The following EPHA4 variants were observed in gnomAD, a reference collection of about 807,000 sequenced individuals.
EPHA4 encodes the protein EPH receptor A4, also known as ephrin type-A receptor 4.
A neutral mutation model predicts 108.3 loss-of-function variants in EPHA4; 19 were observed. That is an observed-to-expected ratio of 0.18 (90% CI 0.12 to 0.26). The LOEUF (loss-of-function observed/expected upper bound fraction) is 0.26, where lower values mean the gene tolerates loss of function less well. Among genes scored for constraint, EPHA4 ranks in the 10% least tolerant of loss-of-function variants. EPHA4 has a pLI of 1.00. For synonymous variants in EPHA4, 449 were observed against 455.5 expected, an observed-to-expected ratio of 0.99 and a Z score of 0.18; for missense variants, 917 against 1,254.0, an observed-to-expected ratio of 0.73 and a Z score of 4.06.
intron 5 of EPHA4, among the ~76,000 whole-genome samples, chr2:221,480,810 T>C (rs1691795992): frequency 6.6e-6 from 1 of 152,248 alleles, no homozygotes; most frequent in Non-Finnish European, 1.5e-5. Context: ...TAACTTTTTA[T>C]TTATTCCAAA....
chr2:221,472,293 T>A (rs1691510462), intron 5 of EPHA4, among the ~76,000 whole-genome samples: 1 of 122,356 alleles, frequency 8.2e-6, no homozygotes. Flanking sequence ...AATACGCACT[T>A]ATTTTACAAA....
At chr2:221,499,094 T>A (rs1448236857) in intron 4 of EPHA4, among the ~76,000 whole-genome samples, 1 of 151,404 alleles carries the variant, frequency 6.6e-6, no homozygotes, top group African/African-American at 2.4e-5. Context: ...CTAACCTTTT[T>A]AACAGTTACA....
intron 3 of EPHA4, among the ~76,000 whole-genome samples, chr2:221,521,198 A>G (rs1372372640): frequency 6.6e-6 from 1 of 152,188 alleles, no homozygotes; most frequent in Non-Finnish European, 1.5e-5. Context: ...ATGTCAATGA[A>G]CTAATTATTG....
intron 3 of EPHA4, 120 bp downstream of exon 3, chr2:221,563,610 CT>C: frequency 8.4e-7 from 1 of 1,184,360 alleles, no homozygotes; most frequent in Admixed American, 2.3e-5. Flanking sequence ...CATTAGACCC[CT>C]GTGTCCCACC....
chr2:221,512,675 T>G (rs1332388379), intron 3 of EPHA4, among the ~76,000 whole-genome samples: 1 of 152,254 alleles, frequency 6.6e-6, no homozygotes, highest in Non-Finnish European at 1.5e-5. Flanking sequence ...CTGAATTTAA[T>G]ACACGGGTCT....
intron 1 of EPHA4, 129 bp from the exon 2 acceptor site, chr2:221,568,914 T>C: frequency 1.7e-6 from 1 of 580,316 alleles, no homozygotes; most frequent in Non-Finnish European, 2.9e-6. Flanking sequence ...AACCTAAACT[T>C]GGGCTCACTT....
At position 221,571,676 on chromosome 2, in the gene EPHA4, C is replaced by T. The variant is rs1297470344; in HGVS notation, c.91+482G>A. On this transcript the variant is annotated intron_variant, in intron 1 of 17. Transcript: ENST00000281821. This position sits in a 1 kb window ranked among gnomAD's most constrained non-coding sequence, Gnocchi z 6.3. The stretch of plus-strand genomic sequence containing the variant: ...GCGCTGCGGAGCAGGCCCCGCAGCC[C>T]GGTCCCGAGAAGCGCAGGGCTCGGG... Among the ~76,000 whole-genome samples, 2 of 152,142 alleles carry T rather than the reference C, an allele frequency of 1.3e-5. No homozygotes were observed. Among genetic ancestry groups the T allele is most frequent in the Non-Finnish European group, 2.9e-5 (2 of 68,018 alleles).
intron 3 of EPHA4, among the ~76,000 whole-genome samples, chr2:221,545,355 G>A (rs1477735270): frequency 6.6e-6 from 1 of 152,178 alleles, no homozygotes; most frequent in East Asian, 1.9e-4. Context: ...TATAGTCCCA[G>A]CTACTCAGGA....
At chr2:221,504,485 G>A (rs144034744) in intron 3 of EPHA4, among the ~76,000 whole-genome samples, 7 of 151,928 alleles carry the variant, frequency 4.6e-5, no homozygotes, top group East Asian at 1.9e-4. Flanking sequence ...ATGTGTGTAC[G>A]TGACAGTATA....
At chr2:221,449,737 T>C (rs1277347170) in intron 8 of EPHA4, among the ~76,000 whole-genome samples, 1 of 152,258 alleles carries the variant, frequency 6.6e-6, no homozygotes, top group African/African-American at 2.4e-5. Flanking sequence ...GGGCCCAGCA[T>C]AAACCATGCT....
intron 8 of EPHA4, among the ~76,000 whole-genome samples, chr2:221,450,262 A>G (rs1690738629): frequency 6.6e-6 from 1 of 152,200 alleles, no homozygotes; most frequent in African/African-American, 2.4e-5. Flanking sequence ...TACAAAAATT[A>G]ACCAGGTGTG....
In EPHA4 at chr2:221,473,717, G is replaced by T. The variant is rs555905680; in HGVS notation, c.1318+8635C>A. On this transcript the variant is annotated intron_variant, in intron 5 of 17. Coordinates refer to ENST00000281821, the MANE Select transcript of EPHA4 (RefSeq NM_004438.5). ...ACAGTAATTAATTGAGCCAGTTGGA[G>T]TGACAACTAGATAATTTAGAAGCCC... Among the ~76,000 whole-genome samples the T allele has an allele frequency of 2.0e-5, 3 of 152,250 alleles. No homozygotes were observed. The South Asian group carries it at 6.2e-4, about 32-fold the overall frequency.
chr2:221,498,603 A>C (rs912905636), intron 4 of EPHA4, among the ~76,000 whole-genome samples: 2 of 151,558 alleles, frequency 1.3e-5, no homozygotes, highest in African/African-American at 4.8e-5. Flanking sequence ...GCCTATTTAC[A>C]GTTTTTCTGT....
rs141387215 is a variant in EPHA4, at chr2:221,426,033, C to A, written c.2956G>T (p.Val986Phe). 11 of 1,613,770 alleles carry A rather than the reference C, an allele frequency of 6.8e-6. No individual in the cohort carries two copies. The highest frequency in any genetic ancestry group is 9.3e-6 in the Non-Finnish European group (11 of 1,179,818). The change falls in exon 17 of 18, where the codon GTC becomes TTC. Residue 986 changes from valine to phenylalanine, a missense_variant. Physicochemically the swap from Val to Phe is conservative, Grantham distance 50. Coordinates refer to ENST00000281821, the MANE Select transcript of EPHA4 (RefSeq NM_004438.5). ...TGAGTTTATTCAGTACTGGCTCAGA[C>A]GGGAACCATTCTGCCGTGCATCTGC... ...MQQMHGRMVP[V>F] is the part of the protein sequence containing the mutation.
At chr2:221,553,748 A>G (rs1346742652) in intron 3 of EPHA4, among the ~76,000 whole-genome samples, 2 of 152,216 alleles carry the variant, frequency 1.3e-5, no homozygotes, top group Non-Finnish European at 2.9e-5. Flanking sequence ...TGGGACTTCA[A>G]GCTGAACAGT....
intron 8 of EPHA4, 115 bp downstream of exon 8, chr2:221,455,432 G>T: frequency 1.3e-6 from 1 of 757,330 alleles, no homozygotes; most frequent in Non-Finnish European, 2.2e-6. Context: ...AACTTGGGAT[G>T]CAGATGCCAA....
intron 5 of EPHA4, among the ~76,000 whole-genome samples, chr2:221,477,722 A>C (rs1691699869): frequency 6.6e-6 from 1 of 152,206 alleles, no homozygotes; most frequent in Non-Finnish European, 1.5e-5. Flanking sequence ...CACTCTTAGA[A>C]TTGCATTGAG....
intron 1 of EPHA4, among the ~76,000 whole-genome samples, chr2:221,569,071 CA>C (rs1202390130): frequency 6.6e-6 from 1 of 152,184 alleles, no homozygotes; most frequent in African/African-American, 2.4e-5. Context: ...ATCTGAAGTA[CA>C]ATTCAAAAAG....
intron 8 of EPHA4, 100 bp downstream of exon 8, chr2:221,455,447 A>G (rs932906658): frequency 3.9e-5 from 35 of 900,680 alleles, no homozygotes; most frequent in Non-Finnish European, 6.0e-5. Context: ...TGCCAAGTTT[A>G]TGACGCAATC....
Sources: allele counts gnomAD v4.1 joint callset (sites outside exome capture counted in the v4.1 genomes callset), GRCh38; gene constraint gnomAD v4.1.1; non-coding constraint Gnocchi (gnomAD v3.1); transcripts MANE v1.5; gene names NCBI Gene and HGNC (gene_info 2026-07-23, HGNC 2026-07-21).